MAPK4: variants seen among roughly 807,000 people sequenced by gnomAD.
MAPK4 encodes the protein Erk3-related.
MAPK4 carries 22 observed loss-of-function variants against 47.7 expected under a neutral mutation model. The ratio of observed to expected loss-of-function variants is 0.46; its 90% confidence interval spans 0.33 to 0.66. The LOEUF (loss-of-function observed/expected upper bound fraction) is 0.66. MAPK4 is among the 30% of genes least tolerant of loss of function. The pLI is 0.02. For missense variants in MAPK4, 736 were observed against 831.7 expected, an observed-to-expected ratio of 0.88 and a Z score of 1.42; for synonymous variants, 390 against 365.7, an observed-to-expected ratio of 1.07 and a Z score of -0.76.
At position 50,658,129 on chromosome 18, in the gene MAPK4, AAT is replaced by A. The variant is rs2043131457; in HGVS notation, c.-870-4957_-870-4956del. Among the ~76,000 whole-genome samples the A allele has an allele frequency of 2.0e-5, 3 of 152,286 alleles. No homozygotes were observed. The South Asian group carries it at 6.2e-4, about 32-fold the overall frequency. ...ATCAAGGGTTTTTTACTCCACTTTT[AAT>A]ATTATTTCAACATTCTATTTCTTGG... On this transcript the variant is annotated intron_variant, in intron 1 of 5. Coordinates refer to ENST00000400384, the MANE Select transcript of MAPK4 (RefSeq NM_002747.4).
At chr18:50,706,165 C>T (rs1168059693) in intron 2 of MAPK4, 1 of 152,150 alleles carries the variant, frequency 6.6e-6, no homozygotes, top group Non-Finnish European at 1.5e-5. Context: ...TAAATTTTTA[C>T]TTCCTGTGGT....
chr18:50,582,192 G>A (rs1308334918), intron 1 of MAPK4, among the ~76,000 whole-genome samples: 1 of 152,198 alleles, frequency 6.6e-6, no homozygotes, highest in Admixed American at 6.5e-5. Flanking sequence ...CCTCAGATGA[G>A]AACCACTGGG....
At chr18:50,608,101 C>G (rs1180716593) in intron 1 of MAPK4, among the ~76,000 whole-genome samples, 1 of 152,108 alleles carries the variant, frequency 6.6e-6, no homozygotes, top group Non-Finnish European at 1.5e-5. Context: ...TTACATTTCC[C>G]TTTTTACCTT....
In MAPK4 at chr18:50,565,620, A is replaced by G. The variant is rs531485618; in HGVS notation, c.-871+5377A>G. Among the ~76,000 whole-genome samples, 642 of 152,338 alleles carry G rather than the reference A, an allele frequency of 4.2e-3. 11 individuals carry two copies. Among genetic ancestry groups the G allele is most frequent in the Middle Eastern group, 0.01 (3 of 294 alleles). On this transcript the variant is annotated intron_variant, in intron 1 of 5. Transcript: ENST00000400384. The stretch of plus-strand genomic sequence containing the variant: ...GTGCTACATAATGACATTTCAGTCA[A>G]TGAAGGGCTGCATGTGGGACTGTGA...
At chr18:50,659,274 C>T (rs2043143637) in intron 1 of MAPK4, among the ~76,000 whole-genome samples, 1 of 152,170 alleles carries the variant, frequency 6.6e-6, no homozygotes, top group Admixed American at 6.5e-5. Flanking sequence ...CCACCTAGAA[C>T]TGTGCAGTGC....
intron 1 of MAPK4, among the ~76,000 whole-genome samples, chr18:50,604,058 T>TA (rs1702271055): frequency 6.6e-6 from 1 of 152,130 alleles, no homozygotes; most frequent in Non-Finnish European, 1.5e-5. Context: ...TGACTGCTGA[T>TA]AGTGAAGAAA....
At chr18:50,618,420 A>G (rs2042703403) in intron 1 of MAPK4, among the ~76,000 whole-genome samples, 1 of 152,218 alleles carries the variant, frequency 6.6e-6, no homozygotes, top group Admixed American at 6.5e-5. Context: ...AGAAAAGAGG[A>G]AGAATATATA....
At chr18:50,683,685 A>C (rs1908712475) in intron 2 of MAPK4, among the ~76,000 whole-genome samples, 1 of 152,178 alleles carries the variant, frequency 6.6e-6, no homozygotes, top group Admixed American at 6.5e-5. Context: ...GTTTATATTT[A>C]AGTGGAAAAC....
intron 1 of MAPK4, among the ~76,000 whole-genome samples, chr18:50,625,433 T>C (rs1012747013): frequency 3.3e-5 from 5 of 152,190 alleles, no homozygotes; most frequent in Non-Finnish European, 7.3e-5. Context: ...AGAGCCTTTT[T>C]CTAGCTTCCT....
chr18:50,597,261 C>T (rs1598809328), intron 1 of MAPK4, among the ~76,000 whole-genome samples: 1 of 152,188 alleles, frequency 6.6e-6, no homozygotes, highest in East Asian at 1.9e-4. Flanking sequence ...GGAAAGGTCT[C>T]TTGGAATTGG....
At chr18:50,708,288 G>A (rs946861138) in intron 2 of MAPK4, among the ~76,000 whole-genome samples, 5 of 152,208 alleles carry the variant, frequency 3.3e-5, no homozygotes, top group African/African-American at 1.2e-4. Flanking sequence ...GCTTCAGCGG[G>A]ACCTCTGGGA....
chr18:50,648,099 C>CAGAGAG (rs146378809), intron 1 of MAPK4, among the ~76,000 whole-genome samples: 4,565 of 147,026 alleles, frequency 0.031, 173 homozygotes, highest in African/African-American at 0.09. Flanking sequence ...AAGAAAGACC[C>CAGAGAG]AGAGAGAGAG....
rs559682288 is a variant in MAPK4, at chr18:50,715,002, G to C, written c.547-77G>C. 5.7e-5 allele frequency: 83 copies of C among 1,445,392 alleles called. 1 individual carries two copies. The African/African-American group carries it at 1.1e-3, about 19-fold the overall frequency. 89.5% of individuals were successfully genotyped at this position (1,445,392 alleles called of 1,614,324 possible). A position where few individuals can be genotyped will look rare whatever the true frequency, so the allele number is the denominator to read the frequency against. ...CCTGAAAGAGGTCTGTTTCATGGGA[G>C]GGGAAACTGGAAGAGGCGTGGGAGG... On this transcript the variant is annotated intron_variant, in intron 2 of 5. Transcript: ENST00000400384.
chr18:50,575,485 T>A (rs1267404078), intron 1 of MAPK4, among the ~76,000 whole-genome samples: 2 of 152,216 alleles, frequency 1.3e-5, no homozygotes, highest in Non-Finnish European at 1.5e-5. Context: ...TGGAAAGGCT[T>A]ATTTTTTATT....
chr18:50,729,493 G>C lies in MAPK4; in HGVS notation c.1403G>C (p.Gly468Ala), dbSNP rs1911412984. Reference sequence around the variant, plus strand: ...CTGTCGCACTGGAAGCAGGCGGCCGGCGCGCCCCCCACGGCCACGGGGCTG... The same window carrying C: ...CTGTCGCACTGGAAGCAGGCGGCCGCCGCGCCCCCCACGGCCACGGGGCTG... ...LDLSHWKQAA[G>A]APPTATGLAD... is the part of the protein sequence containing the mutation. Residue 468 changes from glycine (G) to alanine (A), a missense_variant, in exon 6 of 6, where the codon GGC (glycine) becomes GCC (alanine). By Grantham distance (60) the Gly-to-Ala change is moderately conservative. This residue lies in a region of MAPK4 where 377 missense variants were observed against 378.6 expected (regional missense o/e 1.00). Coordinates refer to ENST00000400384, the MANE Select transcript of MAPK4 (RefSeq NM_002747.4). 1 of 1,462,144 alleles carries C rather than the reference G, an allele frequency of 6.8e-7. No homozygotes were observed. Among genetic ancestry groups the C allele is most frequent in the African/African-American group, 1.4e-5 (1 of 70,394 alleles). 90.6% of individuals were successfully genotyped at this position (1,462,144 alleles called of 1,614,324 possible).
At chr18:50,651,970 A>C (rs1278014989) in intron 1 of MAPK4, among the ~76,000 whole-genome samples, 1 of 152,188 alleles carries the variant, frequency 6.6e-6, no homozygotes, top group Non-Finnish European at 1.5e-5. Flanking sequence ...CCTACAGCCC[A>C]CTTAATTCGC....
chr18:50,626,785 A>T (rs2042782764), intron 1 of MAPK4, among the ~76,000 whole-genome samples: 1 of 152,038 alleles, frequency 6.6e-6, no homozygotes, highest in African/African-American at 2.4e-5. Context: ...CCAAATCCTC[A>T]AGATGTTCAG....
chr18:50,685,391 C>T (rs771823114), intron 2 of MAPK4, among the ~76,000 whole-genome samples: 6 of 152,336 alleles, frequency 3.9e-5, no homozygotes, highest in East Asian at 1.9e-4. Flanking sequence ...GCATCCCACA[C>T]GTGGCTATGG....
chr18:50,683,552 G>A (rs767159097), intron 2 of MAPK4, among the ~76,000 whole-genome samples: 1 of 151,622 alleles, frequency 6.6e-6, no homozygotes, highest in Non-Finnish European at 1.5e-5. Flanking sequence ...ATACCTCAAT[G>A]AAGCTGTTTT....
Sources: gnomAD v4.1 joint callset for allele counts (sites outside exome capture counted in the v4.1 genomes callset) on GRCh38, gnomAD v4.1.1 for gene constraint, gnomAD v4.1.1 regional missense constraint, MANE v1.5 for transcripts, NCBI Gene and HGNC (gene_info 2026-07-23, HGNC 2026-07-21) for gene names.